PCDH15: variants seen among roughly 807,000 people sequenced by gnomAD.
PCDH15 encodes the protein protocadherin related 15, also known as protocadherin-15.
In PCDH15, 129 loss-of-function variants were observed where a neutral mutation model predicts 178.5. That is an observed-to-expected ratio of 0.72 (90% CI 0.63 to 0.84). The LOEUF (loss-of-function observed/expected upper bound fraction) is 0.84. Among genes scored for constraint, PCDH15 ranks in the 40% least tolerant of loss-of-function variants. PCDH15 has a pLI of 0.00. For synonymous variants in PCDH15, 800 were observed against 732.0 expected (o/e 1.09, Z -1.50); for missense variants, 2,230 against 2,099.9 (o/e 1.06, Z -1.21).
intron 1 of PCDH15, among the ~76,000 whole-genome samples, chr10:54,672,909 A>G (rs2094702464): frequency 6.6e-6 from 1 of 152,104 alleles, no homozygotes; most frequent in South Asian, 2.1e-4. Flanking sequence ...ATAGTCTTTT[A>G]AGTAGGTGAC....
chr10:55,571,441 T>C (rs1288439542), intron 2 of PCDH15, among the ~76,000 whole-genome samples: 1 of 152,114 alleles, frequency 6.6e-6, no homozygotes, highest in Non-Finnish European at 1.5e-5. Flanking sequence ...TTAGTTCTCA[T>C]ACAAATACAA....
rs1419689183 is a variant in PCDH15, at chr10:54,378,898, C to T, written c.202G>A (p.Gly68Arg). 6.2e-7 allele frequency: 1 copy of T among 1,613,764 alleles called. No homozygotes were observed. The highest frequency in any genetic ancestry group is 8.5e-7 in the Non-Finnish European group (1 of 1,179,790). The change falls in exon 4 of 38, where the codon GGA becomes AGA. Residue 68 changes from glycine (G) to arginine (R), a missense_variant. Gly to Arg is a moderately radical substitution (Grantham distance 125, BLOSUM62 -2). Transcript: ENST00000644397. Reference protein sequence around the residue: ...DNMLIKGTAGGPDPTIELSLK... With the variant: ...DNMLIKGTAGRPDPTIELSLK... ...GAAAGTTCTATGGTGGGGTCTGGTC[C>T]TCCAGCAGTCCCTTTGATCAGCATG...
At position 54,604,301 on chromosome 10, in the gene PCDH15, C is replaced by T. The variant is rs74136221; in HGVS notation, c.91+59871G>A. Reference sequence around the variant, plus strand: ...GATGTCTGTTAGGTTAATTTGGTCTCTCCTATTGTTCAAGTAAGCTGTTTT... The same window carrying T: ...GATGTCTGTTAGGTTAATTTGGTCTTTCCTATTGTTCAAGTAAGCTGTTTT... On this transcript the variant is annotated intron_variant, in intron 2 of 37. Transcript: ENST00000644397. Among the ~76,000 whole-genome samples the T allele has an allele frequency of 3.9e-3, 592 of 151,868 alleles. 5 individuals are homozygous for T. Among genetic ancestry groups the T allele is most frequent in the African/African-American group, 0.014 (565 of 41,466 alleles).
At chr10:54,272,116 G>A (rs1366428394) in intron 8 of PCDH15, among the ~76,000 whole-genome samples, 1 of 148,352 alleles carries the variant, frequency 6.7e-6, no homozygotes. Flanking sequence ...GTACAATTGG[G>A]TATAAATTCA....
intron 2 of PCDH15, among the ~76,000 whole-genome samples, chr10:55,109,025 A>G (rs1412264660): frequency 6.6e-6 from 1 of 152,192 alleles, no homozygotes; most frequent in Non-Finnish European, 1.5e-5. Context: ...TATACTTATC[A>G]GTAACCAGTA....
chr10:54,944,459 G>C (rs1454480), intron 2 of PCDH15, among the ~76,000 whole-genome samples: 33,514 of 151,838 alleles, frequency 0.22, 4,019 homozygotes, highest in African/African-American at 0.3. Context: ...AAGATTAACA[G>C]AATCAACTAA....
In PCDH15 at chr10:54,744,505, C is replaced by G. The variant is rs61424293; in HGVS notation, c.-29+56420G>C. On this transcript the variant is annotated intron_variant, in intron 1 of 37. Transcript: ENST00000644397. ...AAGAACTAGATACAGTTAACATAAA[C>G]AAAACTCATCATATTTCATTACAGC... Among the ~76,000 whole-genome samples, 1,349 of 151,966 alleles carry G rather than the reference C, an allele frequency of 8.9e-3. 14 individuals are homozygous for G. The highest frequency in any genetic ancestry group is 0.03 in the African/African-American group (1,251 of 41,456).
chr10:55,482,993 A>G lies in PCDH15; in HGVS notation c.-156+144632T>C, dbSNP rs73261689. Among the ~76,000 whole-genome samples the G allele has an allele frequency of 6.5e-3, 993 of 151,822 alleles. 16 individuals carry two copies. Among genetic ancestry groups the G allele is most frequent in the African/African-American group, 0.023 (938 of 41,456 alleles). ...GCCATATGCAGAGCAATGAAAATGG[A>G]CCCCTTTCTTACACTGTATATAAAC... On this transcript the variant is annotated intron_variant, in intron 2 of 5. Coordinates refer to the PCDH15 transcript ENST00000613346.
At chr10:55,056,564 G>A (rs1174265246) in intron 2 of PCDH15, among the ~76,000 whole-genome samples, 1 of 149,446 alleles carries the variant, frequency 6.7e-6, no homozygotes, top group East Asian at 2.0e-4. Context: ...GACTCTGTTT[G>A]CTTCTTCATT....
At chr10:55,031,762 G>T (rs1840616255) in intron 2 of PCDH15, among the ~76,000 whole-genome samples, 1 of 152,170 alleles carries the variant, frequency 6.6e-6, no homozygotes, top group Non-Finnish European at 1.5e-5. Flanking sequence ...TGAGGATACA[G>T]TGTTCCTCCC....
chr10:55,527,844 T>A (rs1378139987), intron 2 of PCDH15, among the ~76,000 whole-genome samples: 1 of 152,054 alleles, frequency 6.6e-6, no homozygotes, highest in African/African-American at 2.4e-5. Context: ...GATATTTCAA[T>A]AATAGGTATT....
intron 8 of PCDH15, among the ~76,000 whole-genome samples, chr10:54,238,503 T>C (rs896396790): frequency 6.6e-6 from 1 of 151,778 alleles, no homozygotes; most frequent in African/African-American, 2.4e-5. Flanking sequence ...AAATAAAGAG[T>C]TGTTGGTAGT....
At chr10:54,362,684 G>A (rs370078062) in intron 5 of PCDH15, among the ~76,000 whole-genome samples, 1 of 151,894 alleles carries the variant, frequency 6.6e-6, no homozygotes. Flanking sequence ...GAAAAGAAAA[G>A]GTACATTTGG....
chr10:54,184,507 C>G (rs2048311506), intron 12 of PCDH15, among the ~76,000 whole-genome samples: 1 of 151,950 alleles, frequency 6.6e-6, no homozygotes, highest in Admixed American at 6.6e-5. Context: ...TTTACAATCA[C>G]AACTTTAATA....
At chr10:54,930,068 T>G (rs1837732441) in intron 2 of PCDH15, among the ~76,000 whole-genome samples, 2 of 152,156 alleles carry the variant, frequency 1.3e-5, no homozygotes, top group South Asian at 4.1e-4. Flanking sequence ...CTGGCAGCTG[T>G]GCCAATAGTA....
intron 2 of PCDH15, among the ~76,000 whole-genome samples, chr10:55,145,891 C>T (rs1838495653): frequency 6.6e-6 from 1 of 151,882 alleles, no homozygotes; most frequent in African/African-American, 2.4e-5. Flanking sequence ...GTAAGTCACC[C>T]TATCACCAGA....
chr10:54,649,317 A>G (rs918667860), intron 2 of PCDH15, among the ~76,000 whole-genome samples: 3 of 152,162 alleles, frequency 2.0e-5, no homozygotes, highest in African/African-American at 7.2e-5. Flanking sequence ...AATTACATAT[A>G]TGAAATATAA....
intron 25 of PCDH15, among the ~76,000 whole-genome samples, chr10:53,908,942 T>C (rs760411082): frequency 4.6e-5 from 7 of 152,200 alleles, no homozygotes; most frequent in Non-Finnish European, 8.8e-5. Flanking sequence ...TTTTATGCTG[T>C]TTTTCTTTTA....
At chr10:55,626,125 A>G (rs1837522106) in intron 2 of PCDH15, among the ~76,000 whole-genome samples, 1 of 152,094 alleles carries the variant, frequency 6.6e-6, no homozygotes, top group African/African-American at 2.4e-5. Context: ...CTACAAGTGT[A>G]CAGAAGCAAG....
Sources: allele counts gnomAD v4.1 joint callset (sites outside exome capture counted in the v4.1 genomes callset), GRCh38; gene constraint gnomAD v4.1.1; transcripts MANE v1.5; gene names NCBI Gene and HGNC (gene_info 2026-07-23, HGNC 2026-07-21).